GLIS3: variants seen among roughly 807,000 people sequenced by gnomAD.
The protein encoded by GLIS3 is GLIS family zinc finger 3.
Under a neutral mutation model 78.6 loss-of-function variants are expected in GLIS3, and 53 were observed. The observed-to-expected ratio is 0.67, with a 90% CI of 0.54 to 0.85. The LOEUF (loss-of-function observed/expected upper bound fraction) is 0.85. Among genes scored for constraint, GLIS3 ranks in the 40% least tolerant of loss-of-function variants. The pLI is 0.00. For missense variants in GLIS3, 1,703 were observed against 1,231.1 expected (o/e 1.38, Z -5.74); for synonymous variants, 684 against 509.9 (o/e 1.34, Z -4.60).
intron 4 of GLIS3, among the ~76,000 whole-genome samples, chr9:3,981,327 A>G (rs1309589266): frequency 2.0e-5 from 3 of 152,210 alleles, no homozygotes; most frequent in African/African-American, 7.2e-5. Context: ...AATTTTATAC[A>G]AAAGCTATTT....
intron 4 of GLIS3, among the ~76,000 whole-genome samples, chr9:4,019,782 G>A (rs1822727689): frequency 6.6e-6 from 1 of 152,098 alleles, no homozygotes; most frequent in African/African-American, 2.4e-5. Context: ...GCCCAGGCTA[G>A]AGTGCAGTGG....
chr9:4,338,099 G>A (rs62546172), intron 2 of GLIS3, among the ~76,000 whole-genome samples: 15,124 of 151,236 alleles, frequency 0.1, 951 homozygotes, highest in Middle Eastern at 0.16. Flanking sequence ...TTTGTCCATA[G>A]CATGACTTCT....
intron 4 of GLIS3, among the ~76,000 whole-genome samples, chr9:4,093,232 C>T (rs806036): frequency 0.31 from 46,357 of 151,304 alleles, 7,999 homozygotes; most frequent in African/African-American, 0.47. Flanking sequence ...CCAGAGTCCA[C>T]GCTCTTAATC....
chr9:4,298,426 G>A (rs1816792285), intron 1 of GLIS3: 1 of 453,622 alleles, frequency 2.2e-6, no homozygotes, highest in Non-Finnish European at 4.4e-6. Context: ...CCAGGGCCAA[G>A]ATTTCCAGAC....
At chr9:4,426,325 C>G in the GLIS3 span, among the ~76,000 whole-genome samples, 1 of 152,212 alleles carries the variant, frequency 6.6e-6, no homozygotes, top group Non-Finnish European at 1.5e-5. Flanking sequence ...TTCCCCACCT[C>G]CTGCTCCAAA....
At chr9:4,487,485 C>T in the GLIS3 span, among the ~76,000 whole-genome samples, 1 of 152,106 alleles carries the variant, frequency 6.6e-6, no homozygotes, top group East Asian at 1.9e-4. Context: ...GGTCACCAAG[C>T]TGATAAGTGG....
intron 4 of GLIS3, among the ~76,000 whole-genome samples, chr9:3,991,761 G>C (rs1029661160): frequency 6.9e-6 from 1 of 143,942 alleles, no homozygotes; most frequent in Non-Finnish European, 1.5e-5. Flanking sequence ...TGGGATCTCG[G>C]CTCACTGCAA....
chr9:4,320,610 T>C (rs1213495295), intron 2 of GLIS3, among the ~76,000 whole-genome samples: 3 of 152,042 alleles, frequency 2.0e-5, no homozygotes, highest in African/African-American at 7.2e-5. Flanking sequence ...GCACTACCAA[T>C]ACCACCATTA....
chr9:4,480,992 C>A, the GLIS3 span, among the ~76,000 whole-genome samples: 1 of 151,996 alleles, frequency 6.6e-6, no homozygotes. Context: ...GTAGCTGGGG[C>A]CATGGGCAAG....
intron 2 of GLIS3, among the ~76,000 whole-genome samples, chr9:4,132,223 T>G (rs1030762496): frequency 6.6e-6 from 1 of 152,190 alleles, no homozygotes; most frequent in African/African-American, 2.4e-5. Flanking sequence ...ATGTGTTTAC[T>G]GCTCAAATGA....
chr9:4,376,891 C>T, the GLIS3 span, among the ~76,000 whole-genome samples: 8 of 134,760 alleles, frequency 5.9e-5, 4 homozygotes, highest in South Asian at 1.7e-3. Flanking sequence ...TGCAAATGCG[C>T]GTGTTCTTTG....
chr9:4,311,689 C>T (rs997701633), intron 2 of GLIS3, among the ~76,000 whole-genome samples: 10 of 152,112 alleles, frequency 6.6e-5, no homozygotes, highest in African/African-American at 2.4e-4. Context: ...TATCACCGCC[C>T]TCCTCTTTTA....
At chr9:4,269,996 G>A (rs1221754774) in intron 2 of GLIS3, among the ~76,000 whole-genome samples, 2 of 152,178 alleles carry the variant, frequency 1.3e-5, no homozygotes, top group Non-Finnish European at 2.9e-5. Context: ...AATGGTTCAT[G>A]GGAATTAGCC....
chr9:3,969,849 C>CA (rs1347355393), intron 4 of GLIS3, among the ~76,000 whole-genome samples: 1 of 152,122 alleles, frequency 6.6e-6, no homozygotes, highest in Non-Finnish European at 1.5e-5. Flanking sequence ...GAGCAAAATT[C>CA]AAAAAGTGGC....
At chr9:3,902,142 T>A (rs1053925507) in intron 6 of GLIS3, among the ~76,000 whole-genome samples, 2 of 152,224 alleles carry the variant, frequency 1.3e-5, no homozygotes, top group African/African-American at 4.8e-5. Context: ...ACAGTGTGAG[T>A]CCATACAACT....
At chr9:4,375,093 TATCTTATCCTGACAGA>T in the GLIS3 span, among the ~76,000 whole-genome samples, 1 of 152,228 alleles carries the variant, frequency 6.6e-6, no homozygotes, top group Admixed American at 6.5e-5. Context: ...ATGCAAATCC[TATCTTATCCTGACAGA>T]ACCCACTGTT....
chr9:4,114,924 C>T (rs552348878), intron 4 of GLIS3, among the ~76,000 whole-genome samples: 4 of 152,350 alleles, frequency 2.6e-5, no homozygotes, highest in Admixed American at 2.0e-4. Flanking sequence ...AGTTCTGCCA[C>T]CCAGAATCCT....
chr9:4,421,065 G>C, the GLIS3 span, among the ~76,000 whole-genome samples: 554 of 152,306 alleles, frequency 3.6e-3, 2 homozygotes, highest in South Asian at 6.4e-3. Flanking sequence ...ATTGAATAGT[G>C]AATTTGACAT....
At chr9:4,114,830 G>A (rs1001286522) in intron 4 of GLIS3, among the ~76,000 whole-genome samples, 3 of 152,012 alleles carry the variant, frequency 2.0e-5, no homozygotes, top group Non-Finnish European at 4.4e-5. Flanking sequence ...TCTACACAAG[G>A]GTGGAGTTGT....
Sources: allele counts gnomAD v4.1 joint callset (sites outside exome capture counted in the v4.1 genomes callset), GRCh38; gene constraint gnomAD v4.1.1; transcripts MANE v1.5; gene names NCBI Gene and HGNC (gene_info 2026-07-23, HGNC 2026-07-21).